The following OXSR1 variants were observed in gnomAD, a reference collection of about 807,000 sequenced individuals.
OXSR1 encodes serine/threonine-protein kinase OSR1.
In OXSR1, 24 loss-of-function variants were observed where a neutral mutation model predicts 79.8. The observed-to-expected ratio is 0.30, with a 90% CI of 0.22 to 0.42. OXSR1 has a LOEUF of 0.42. OXSR1 is among the 10% of genes least tolerant of loss of function. The probability of loss-of-function intolerance (pLI) is 1.00; values close to 1 mark genes in which losing one functional copy is unlikely to be tolerated. For missense variants in OXSR1, 430 were observed against 618.4 expected, an observed-to-expected ratio of 0.70 and a Z score of 3.23; for synonymous variants, 226 against 209.2, an observed-to-expected ratio of 1.08 and a Z score of -0.69.
At chr3:38,233,152 A>G (rs372342431) in intron 10 of OXSR1, among the ~76,000 whole-genome samples, 1 of 152,234 alleles carries the variant, frequency 6.6e-6, no homozygotes, top group Non-Finnish European at 1.5e-5. Context: ...TCTGAACTGA[A>G]GGACACCAGG....
At chr3:38,212,654 A>G (rs1402403621) in intron 4 of OXSR1, among the ~76,000 whole-genome samples, 1 of 152,216 alleles carries the variant, frequency 6.6e-6, no homozygotes, top group Non-Finnish European at 1.5e-5. Context: ...ATGAAAAGTC[A>G]AGCGTGTCTG....
chr3:38,178,080 C>T (rs1436337156), intron 1 of OXSR1, among the ~76,000 whole-genome samples: 1 of 151,956 alleles, frequency 6.6e-6, no homozygotes, highest in Non-Finnish European at 1.5e-5. Context: ...TCCTGAGTAA[C>T]GGGGATTACA....
chr3:38,175,771 TCTG>T (rs1200030488), intron 1 of OXSR1, among the ~76,000 whole-genome samples: 1 of 152,250 alleles, frequency 6.6e-6, no homozygotes, highest in Non-Finnish European at 1.5e-5. Context: ...ATTAATTTAT[TCTG>T]CTGTGTGACG....
chr3:38,164,088 T>G (rs1378670652), upstream of OXSR1, among the ~76,000 whole-genome samples: 1 of 152,136 alleles, frequency 6.6e-6, no homozygotes, highest in East Asian at 1.9e-4. Flanking sequence ...TAACTCAAGA[T>G]TTTCCTTTAT....
At chr3:38,238,960 T>C (rs1482787443) in intron 11 of OXSR1, among the ~76,000 whole-genome samples, 1 of 152,138 alleles carries the variant, frequency 6.6e-6, no homozygotes, top group East Asian at 1.9e-4. Context: ...GCCCACTGTT[T>C]CTCTTAATTT....
chr3:38,240,611 T>C (rs1703012354), intron 11 of OXSR1, among the ~76,000 whole-genome samples: 1 of 151,922 alleles, frequency 6.6e-6, no homozygotes, highest in African/African-American at 2.4e-5. Flanking sequence ...CAGAGCTCCT[T>C]TGAGAAATGG....
Position 38,234,290 on chromosome 3 carries a change from C to T in OXSR1, c.952-2549C>T, listed in dbSNP as rs1279209431. Among the ~76,000 whole-genome samples the T allele has an allele frequency of 3.9e-5, 6 of 152,048 alleles. No homozygotes were observed. In the East Asian group the frequency reaches 7.7e-4, roughly 19 times the overall value. On this transcript the variant is annotated intron_variant, in intron 10 of 17. Transcript: ENST00000311806. Reference sequence around the variant, plus strand: ...ATTAAGACTTTTGTGCTTCAATAGACGCTGGCAAGAAAGTGAAAAGACAAC... The same window carrying T: ...ATTAAGACTTTTGTGCTTCAATAGATGCTGGCAAGAAAGTGAAAAGACAAC...
chr3:38,238,378 T>G (rs1702961946), intron 11 of OXSR1, among the ~76,000 whole-genome samples: 1 of 152,134 alleles, frequency 6.6e-6, no homozygotes, highest in Non-Finnish European at 1.5e-5. Flanking sequence ...AATCTTATTT[T>G]TATTTTCATA....
rs1471228262 is a variant in OXSR1, at chr3:38,230,600, T to C, written c.951+170T>C. On this transcript the variant is annotated intron_variant, in intron 10 of 17. Transcript: ENST00000311806. The stretch of plus-strand genomic sequence containing the variant: ...TTCAGCAAATATCTTTGGTCTACCA[T>C]ATGCCTTGGTATTACTCTGCTATCT... 1.4e-5 allele frequency: 8 copies of C among 565,672 alleles called. No individual in the cohort carries two copies. The Admixed American group carries it at 1.6e-4, about 11-fold the overall frequency. The allele number at this position is 565,672 out of a possible 1,614,324, so 35.0% of individuals were successfully genotyped here. A position where few individuals can be genotyped will look rare whatever the true frequency, so the allele number is the denominator to read the frequency against.
intron 3 of OXSR1, among the ~76,000 whole-genome samples, chr3:38,191,453 T>C (rs1701984213): frequency 6.6e-6 from 1 of 152,110 alleles, no homozygotes; most frequent in Admixed American, 6.5e-5. Flanking sequence ...AGTTATCTTG[T>C]AGAATATGCC....
intron 3 of OXSR1, among the ~76,000 whole-genome samples, chr3:38,193,613 C>CTTT (rs35335075): frequency 1.5e-5 from 2 of 131,580 alleles, no homozygotes; most frequent in African/African-American, 2.8e-5. Flanking sequence ...AGCAGAACGA[C>CTTT]TTTTTTTTTT....
chr3:38,166,729 G>A lies in OXSR1; in HGVS notation c.70+783G>A, dbSNP rs2125796266. On this transcript the variant is annotated intron_variant, in intron 1 of 17. Transcript: ENST00000311806. ...TCCTTGAACCCGGGAGGCGGAGCTT[G>A]CAGTGAGCTGAGATCGCGCCACTGC... is the stretch of plus-strand genomic sequence containing the variant. Among the ~76,000 whole-genome samples the A allele has an allele frequency of 2.0e-5, 3 of 147,994 alleles. No individual in the cohort carries two copies. The Admixed American group carries it at 2.0e-4, about 10-fold the overall frequency.
At chr3:38,249,357 C>T (rs201784317) in intron 14 of OXSR1, among the ~76,000 whole-genome samples, 1 of 152,098 alleles carries the variant, frequency 6.6e-6, no homozygotes, top group Admixed American at 6.6e-5. Context: ...CATATAGTAA[C>T]TCTGCTACCA....
intron 1 of OXSR1, among the ~76,000 whole-genome samples, chr3:38,167,889 G>C (rs1379992310): frequency 8.6e-6 from 1 of 116,668 alleles, no homozygotes; most frequent in African/African-American, 4.1e-5. Context: ...TTTAAAAGAA[G>C]AGTTTTTTTT....
intron 3 of OXSR1, among the ~76,000 whole-genome samples, chr3:38,197,651 A>G (rs1233575846): frequency 6.6e-6 from 1 of 152,178 alleles, no homozygotes; most frequent in Non-Finnish European, 1.5e-5. Flanking sequence ...TTTTTAATCA[A>G]GTTTACCAAG....
At chr3:38,202,836 T>C (rs775687911) in intron 4 of OXSR1, among the ~76,000 whole-genome samples, 3 of 152,196 alleles carry the variant, frequency 2.0e-5, no homozygotes, top group Non-Finnish European at 4.4e-5. Flanking sequence ...CACACCCGCA[T>C]AAGGGCCACT....
intron 1 of OXSR1, among the ~76,000 whole-genome samples, chr3:38,173,215 C>A (rs545552220): frequency 2.0e-5 from 3 of 152,270 alleles, no homozygotes; most frequent in Non-Finnish European, 4.4e-5. Flanking sequence ...GATTATCTTA[C>A]TAAAGAAGGG....
At chr3:38,244,670 T>TGTGTGTGTGTGCGCAC (rs1491372358) in intron 12 of OXSR1, among the ~76,000 whole-genome samples, 1 of 149,626 alleles carries the variant, frequency 6.7e-6, no homozygotes, top group Non-Finnish European at 1.5e-5. Flanking sequence ...TGTGTGTGCG[T>TGTGTGTGTGTGCGCAC]GCGCATGTAC....
chr3:38,164,246 C>CCTT (rs1044503458), upstream of OXSR1, among the ~76,000 whole-genome samples: 2 of 152,084 alleles, frequency 1.3e-5, no homozygotes, highest in African/African-American at 4.8e-5. Context: ...GTCACTGCAA[C>CCTT]CTTCGCCTCC....
Sources: gnomAD v4.1 joint callset for allele counts (sites outside exome capture counted in the v4.1 genomes callset) on GRCh38, gnomAD v4.1.1 for gene constraint, MANE v1.5 for transcripts, NCBI Gene and HGNC (gene_info 2026-07-23, HGNC 2026-07-21) for gene names.